PDZD8: variants seen among roughly 807,000 people sequenced by gnomAD.
PDZD8 encodes PDZ domain-containing protein 8.
A neutral mutation model predicts 85.8 loss-of-function variants in PDZD8; 14 were observed. The ratio of observed to expected loss-of-function variants is 0.16; its 90% CI spans 0.11 to 0.26. PDZD8 has a LOEUF of 0.26. PDZD8 is among the 10% of genes least tolerant of loss of function. PDZD8 has a pLI of 1.00. For synonymous variants in PDZD8, 592 were observed against 568.6 expected, an observed-to-expected ratio of 1.04 and a Z score of -0.59; for missense variants, 1,197 against 1,424.3, an observed-to-expected ratio of 0.84 and a Z score of 2.57.
intron 2 of PDZD8, among the ~76,000 whole-genome samples, chr10:117,337,037 C>A (rs190867405): frequency 6.6e-6 from 1 of 151,066 alleles, no homozygotes. Context: ...TGCAGTGAGC[C>A]GAGATCATGC....
intron 1 of PDZD8, among the ~76,000 whole-genome samples, chr10:117,358,486 T>C (rs938060652): frequency 1.3e-5 from 2 of 152,058 alleles, no homozygotes; most frequent in Admixed American, 1.3e-4. Flanking sequence ...TCACGGACTA[T>C]AAAATAGTCT....
At chr10:117,339,811 T>C (rs889505481) in intron 2 of PDZD8, among the ~76,000 whole-genome samples, 1 of 152,144 alleles carries the variant, frequency 6.6e-6, no homozygotes, top group African/African-American at 2.4e-5. Context: ...GGAAGGCCTA[T>C]GTAGCTGAAG....
At chr10:117,361,601 G>A (rs892506185) in intron 1 of PDZD8, among the ~76,000 whole-genome samples, 4 of 152,096 alleles carry the variant, frequency 2.6e-5, no homozygotes, top group African/African-American at 9.7e-5. Context: ...ACAGAAATCT[G>A]GTCTTCTTTA....
chr10:117,311,125 A>C (rs547935176), intron 3 of PDZD8, among the ~76,000 whole-genome samples: 202 of 152,232 alleles, frequency 1.3e-3, no homozygotes, highest in Non-Finnish European at 2.4e-3. Context: ...AGGTTACATT[A>C]AACTATACAC....
chr10:117,369,125 C>G (rs77046581), intron 1 of PDZD8, among the ~76,000 whole-genome samples: 1 of 151,630 alleles, frequency 6.6e-6, no homozygotes, highest in Non-Finnish European at 1.5e-5. Context: ...TCAGCCACCA[C>G]GCCAGGCCTG....
rs189090596 is a variant in PDZD8 at position 117,303,027 on chromosome 10, G to A, written c.1099-12679C>T. On this transcript the variant is annotated intron_variant, in intron 3 of 4. Transcript: ENST00000334464. ...TAAATTGGTACCATTAGAGTGGGGCGGTGCTGAAAAGATACCTGAAAATGT... is the reference window on the plus strand; with the variant it reads ...TAAATTGGTACCATTAGAGTGGGGCAGTGCTGAAAAGATACCTGAAAATGT... Among the ~76,000 whole-genome samples, 368 of 152,242 alleles carry A rather than the reference G, an allele frequency of 2.4e-3. 1 individual carries two copies. Among genetic ancestry groups the A allele is most frequent in the Non-Finnish European group, 6.5e-4 (44 of 68,020 alleles).
chr10:117,308,392 GGAGT>G, intron 3 of PDZD8, among the ~76,000 whole-genome samples: 1 of 151,992 alleles, frequency 6.6e-6, no homozygotes, highest in Non-Finnish European at 1.5e-5. Context: ...AAAATAAAAG[GGAGT>G]GAGTGTAGGG....
chr10:117,374,691 C>A lies in PDZD8; in HGVS notation c.537G>T (p.Gly179=), dbSNP rs1309983441. ...CGGGGCAGGCGGCGGGCAGCGCCTC[C>A]CCTTCAGGGCCATCGGGCTCCCCGG... ...SATGEPDGPE[G]EALPAACPEE... The change falls in exon 1 of 5, where the codon GGG becomes GGT. Residue 179 remains glycine, a synonymous_variant. Coordinates refer to ENST00000334464, the MANE Select transcript of PDZD8 (RefSeq NM_173791.5). This position sits in a 1 kb window ranked among gnomAD's most constrained non-coding sequence, Gnocchi z 7.8. 2 of 1,598,690 alleles carry A rather than the reference C, an allele frequency of 1.3e-6. No individual in the cohort carries two copies. Among genetic ancestry groups the A allele is most frequent in the African/African-American group, 1.3e-5 (1 of 74,706 alleles).
At chr10:117,344,385 CT>C (rs552359685) in intron 1 of PDZD8, among the ~76,000 whole-genome samples, 116 of 152,196 alleles carry the variant, frequency 7.6e-4, no homozygotes, top group African/African-American at 2.6e-3. Context: ...GACTTCTTTA[CT>C]TTTTATTTTT....
intron 1 of PDZD8, among the ~76,000 whole-genome samples, chr10:117,366,467 G>T (rs1845091564): frequency 1.3e-5 from 2 of 150,884 alleles, no homozygotes; most frequent in African/African-American, 4.9e-5. Flanking sequence ...TATTTTTAGG[G>T]TTTTTTTTTA....
chr10:117,302,596 A>G (rs1455268431), intron 3 of PDZD8, among the ~76,000 whole-genome samples: 1 of 152,236 alleles, frequency 6.6e-6, no homozygotes, highest in Non-Finnish European at 1.5e-5. Flanking sequence ...CTGTATCTCA[A>G]TTATGACAAA....
chr10:117,278,738 G>A lies in PDZD8; in HGVS notation c.*4530C>T, dbSNP rs902087041. The A allele has an allele frequency of 1.3e-5, 2 of 152,178 alleles. No individual in the cohort carries two copies. Among genetic ancestry groups the A allele is most frequent in the Non-Finnish European group, 2.9e-5 (2 of 68,032 alleles). The allele number at this position is 152,178 out of a possible 1,614,324, so 9.4% of individuals were successfully genotyped here. Reference sequence around the variant, plus strand: ...TTATTCTCTAGGAAAGTAACACTTCGTTTCATGAAGCTTTTCTGTGGGGCT... The same window carrying A: ...TTATTCTCTAGGAAAGTAACACTTCATTTCATGAAGCTTTTCTGTGGGGCT... On this transcript the variant is annotated 3_prime_UTR_variant, in exon 5 of 5. Coordinates refer to ENST00000334464, the MANE Select transcript of PDZD8 (RefSeq NM_173791.5).
chr10:117,324,387 G>A (rs1419208082), intron 2 of PDZD8, among the ~76,000 whole-genome samples: 1 of 150,794 alleles, frequency 6.6e-6, no homozygotes, highest in East Asian at 1.9e-4. Flanking sequence ...ATGATTTTTG[G>A]TTATTATGTT....
At chr10:117,357,990 A>G (rs1380253427) in intron 1 of PDZD8, among the ~76,000 whole-genome samples, 5 of 152,020 alleles carry the variant, frequency 3.3e-5, no homozygotes, top group Admixed American at 6.6e-5. Flanking sequence ...TTAAGGAGGA[A>G]GGGGAGTTAG....
chr10:117,318,756 G>A, intron 3 of PDZD8, 116 bp downstream of exon 3: 1 of 674,324 alleles, frequency 1.5e-6, no homozygotes, highest in Non-Finnish European at 2.5e-6. Context: ...AATAAGAACT[G>A]TTCATAGCTA....
chr10:117,311,251 T>C (rs1844031344), intron 3 of PDZD8, among the ~76,000 whole-genome samples: 1 of 58,034 alleles, frequency 1.7e-5, no homozygotes, highest in Non-Finnish European at 5.4e-5. Flanking sequence ...ACAAAATTAA[T>C]ATTGAGTAGT....
chr10:117,298,690 A>G (rs943949156), intron 3 of PDZD8, among the ~76,000 whole-genome samples: 1 of 152,120 alleles, frequency 6.6e-6, no homozygotes, highest in Non-Finnish European at 1.5e-5. Context: ...ATCAAAGTTA[A>G]TAACTATTAT....
intron 3 of PDZD8, among the ~76,000 whole-genome samples, chr10:117,296,782 T>G (rs1208829892): frequency 6.6e-6 from 1 of 151,984 alleles, no homozygotes; most frequent in African/African-American, 2.4e-5. Context: ...ACATAAAAAT[T>G]TATGGGAAAA....
Position 117,373,270 on chromosome 10 carries a change from C to T in PDZD8, c.872+1086G>A, listed in dbSNP as rs141566236. Among the ~76,000 whole-genome samples, 28 of 152,174 alleles carry T rather than the reference C, an allele frequency of 1.8e-4. 1 individual carries two copies. In the East Asian group the frequency reaches 5.4e-3, roughly 29 times the overall value. On this transcript the variant is annotated intron_variant, in intron 1 of 4. Coordinates refer to ENST00000334464, the MANE Select transcript of PDZD8 (RefSeq NM_173791.5). ...GCTTAAACAAAATTAAAATCACTAC[C>T]TAGCATTAAAATACAATTTGTACAG...
Sources: gnomAD v4.1 joint callset for allele counts (sites outside exome capture counted in the v4.1 genomes callset) on GRCh38, gnomAD v4.1.1 for gene constraint, Gnocchi (gnomAD v3.1) non-coding constraint, MANE v1.5 for transcripts, NCBI Gene and HGNC (gene_info 2026-07-23, HGNC 2026-07-21) for gene names.